KAT6B: variants seen among roughly 807,000 people sequenced by gnomAD.
The protein encoded by KAT6B is lysine acetyltransferase 6B.
In KAT6B, 10 loss-of-function variants were observed where a neutral mutation model predicts 187.5. The ratio of observed to expected loss-of-function variants is 0.05; its 90% CI spans 0.03 to 0.09. The LOEUF (loss-of-function observed/expected upper bound fraction) is 0.09. Ranked by LOEUF, KAT6B falls within the 10% of genes least tolerant of loss-of-function variation. The pLI is 1.00. For synonymous variants in KAT6B, 861 were observed against 926.8 expected, an observed-to-expected ratio of 0.93 and a Z score of 1.29; for missense variants, 1,952 against 2,558.9, an observed-to-expected ratio of 0.76 and a Z score of 5.12.
At chr10:74,894,490 A>ATG (rs1845854338) in intron 3 of KAT6B, among the ~76,000 whole-genome samples, 1 of 152,238 alleles carries the variant, frequency 6.6e-6, no homozygotes, top group South Asian at 2.1e-4. Context: ...TGTTAACTGT[A>ATG]TGCAACAGTT....
At chr10:74,865,776 A>T (rs998114314) in intron 3 of KAT6B, among the ~76,000 whole-genome samples, 1 of 152,100 alleles carries the variant, frequency 6.6e-6, no homozygotes. Context: ...TTGGCCTCCC[A>T]CAAGTGCTGG....
intron 3 of KAT6B, among the ~76,000 whole-genome samples, chr10:74,870,573 TTGAAA>T (rs1843848896): frequency 1.3e-5 from 2 of 152,340 alleles, no homozygotes; most frequent in Non-Finnish European, 2.9e-5. Flanking sequence ...AAATTGTCTA[TTGAAA>T]GAGTTTTTTT....
At chr10:74,997,051 C>G (rs536171265) in intron 13 of KAT6B, among the ~76,000 whole-genome samples, 42 of 152,032 alleles carry the variant, frequency 2.8e-4, no homozygotes, top group Non-Finnish European at 5.0e-4. Flanking sequence ...AGCATTAAAA[C>G]AAAAACCCTA....
At chr10:74,891,336 A>C (rs1845632732) in intron 3 of KAT6B, among the ~76,000 whole-genome samples, 1 of 152,222 alleles carries the variant, frequency 6.6e-6, no homozygotes. Context: ...AGAAGACCTT[A>C]AGAATCTGAA....
intron 1 of KAT6B, among the ~76,000 whole-genome samples, chr10:74,831,042 G>A (rs1840818315): frequency 6.6e-6 from 1 of 151,856 alleles, no homozygotes; most frequent in African/African-American, 2.4e-5. Flanking sequence ...GCCCGTCTTG[G>A]CCTCCCAAAG....
chr10:74,871,488 T>C (rs1177300906), intron 3 of KAT6B, among the ~76,000 whole-genome samples: 2 of 152,186 alleles, frequency 1.3e-5, no homozygotes, highest in Non-Finnish European at 2.9e-5. Context: ...CCACCATGCC[T>C]AGCCCTCATA....
intron 3 of KAT6B, among the ~76,000 whole-genome samples, chr10:74,952,773 G>A (rs1274998762): frequency 2.0e-5 from 3 of 150,158 alleles, no homozygotes; most frequent in Non-Finnish European, 4.4e-5. Context: ...TGCAACCTCC[G>A]CCTCCCGGGT....
chr10:74,866,539 A>G (rs1843562856), intron 3 of KAT6B, among the ~76,000 whole-genome samples: 1 of 152,130 alleles, frequency 6.6e-6, no homozygotes, highest in South Asian at 2.1e-4. Context: ...TGTAATTAGA[A>G]TATTTACTTA....
chr10:74,849,816 G>A (rs1842352114), intron 3 of KAT6B, among the ~76,000 whole-genome samples: 3 of 152,186 alleles, frequency 2.0e-5, no homozygotes, highest in African/African-American at 7.2e-5. Context: ...AAATGAGGCT[G>A]AAAGCTTAAG....
At chr10:74,924,845 C>G (rs1267120263) in intron 3 of KAT6B, among the ~76,000 whole-genome samples, 2 of 152,038 alleles carry the variant, frequency 1.3e-5, no homozygotes, top group Admixed American at 1.3e-4. Context: ...ATGCTTCCTA[C>G]TGCTCGGTGA....
chr10:74,836,319 T>C (rs1339623633), intron 1 of KAT6B, among the ~76,000 whole-genome samples: 9 of 152,244 alleles, frequency 5.9e-5, no homozygotes, highest in African/African-American at 1.4e-4. Flanking sequence ...CTCAATTCTT[T>C]TGAGTCTATA....
At chr10:74,882,066 C>T (rs987605247) in intron 3 of KAT6B, among the ~76,000 whole-genome samples, 2 of 152,170 alleles carry the variant, frequency 1.3e-5, no homozygotes, top group Non-Finnish European at 2.9e-5. Flanking sequence ...CTGCTCTTCC[C>T]GCTGCGCCTC....
chr10:74,899,888 A>T (rs1277447698), intron 3 of KAT6B, among the ~76,000 whole-genome samples: 1 of 152,234 alleles, frequency 6.6e-6, no homozygotes, highest in Admixed American at 6.5e-5. Flanking sequence ...ATTGTTTTTA[A>T]CATAGCAAAA....
intron 3 of KAT6B, among the ~76,000 whole-genome samples, chr10:74,849,977 C>T (rs577768244): frequency 1.1e-4 from 16 of 149,938 alleles, no homozygotes; most frequent in South Asian, 4.2e-4. Context: ...CTCGCTCTGT[C>T]GCCCAGGCTG....
chr10:74,845,690 G>T (rs1349030132), intron 3 of KAT6B, among the ~76,000 whole-genome samples: 2 of 151,366 alleles, frequency 1.3e-5, no homozygotes, highest in African/African-American at 4.8e-5. Context: ...TAGAGATGGG[G>T]TTTTGCCATG....
chr10:74,918,761 C>G (rs1847897877), intron 3 of KAT6B, among the ~76,000 whole-genome samples: 1 of 151,870 alleles, frequency 6.6e-6, no homozygotes, highest in Non-Finnish European at 1.5e-5. Context: ...AAAAGAATTT[C>G]ATTGAGTAGA....
intron 1 of KAT6B, among the ~76,000 whole-genome samples, chr10:74,830,010 C>A (rs559176796): frequency 4.3e-4 from 58 of 136,162 alleles, no homozygotes; most frequent in African/African-American, 1.6e-3. Flanking sequence ...GAGCGAGACT[C>A]TGTCTCAAAA....
At chr10:74,911,442 A>G (rs956736671) in intron 3 of KAT6B, among the ~76,000 whole-genome samples, 1 of 151,526 alleles carries the variant, frequency 6.6e-6, no homozygotes, top group African/African-American at 2.4e-5. Flanking sequence ...AATTTTTTGT[A>G]TTTTTAGTAG....
chr10:75,028,877 G>T lies in KAT6B; in HGVS notation c.4053G>T (p.Glu1351Asp). ...CAGAAGATGATCTCATCAAACCTGA[G>T]GAAGAGGAAGAGGAGGAGGAGGAGG... ...EKPEDDLIKPEEEEEEEEEEE... is the reference protein window; with the variant it reads ...EKPEDDLIKPDEEEEEEEEEE... The change falls in exon 18 of 18, where the codon GAG (glutamate) becomes GAT (aspartate). Residue 1351 changes from glutamate to aspartate, a missense_variant. Around this residue, in one of 9 missense-constraint regions of KAT6B, gnomAD observed 758 missense variants for 891.4 expected, o/e 0.85. Transcript: ENST00000287239. The T allele has an allele frequency of 6.2e-7, 1 of 1,613,216 alleles. No individual in the cohort carries two copies. Among genetic ancestry groups the T allele is most frequent in the Non-Finnish European group, 8.5e-7 (1 of 1,179,758 alleles).
Sources: gnomAD v4.1 joint callset for allele counts (sites outside exome capture counted in the v4.1 genomes callset) on GRCh38, gnomAD v4.1.1 for gene constraint, gnomAD v4.1.1 regional missense constraint, MANE v1.5 for transcripts, NCBI Gene and HGNC (gene_info 2026-07-23, HGNC 2026-07-21) for gene names.